The following CPNE8 variants were observed in gnomAD, a reference collection of about 807,000 sequenced individuals.
CPNE8 encodes the protein copine-8.
A neutral mutation model predicts 81.5 loss-of-function variants in CPNE8; 45 were observed. That is an observed-to-expected ratio of 0.55 (90% CI 0.44 to 0.71). The LOEUF (loss-of-function observed/expected upper bound fraction) is 0.71. Ranked by LOEUF, CPNE8 falls within the 30% of genes least tolerant of loss-of-function variation. CPNE8 has a pLI of 0.00. For synonymous variants in CPNE8, 252 were observed against 226.3 expected (o/e 1.11, Z -1.02); for missense variants, 594 against 672.1 (o/e 0.88, Z 1.28).
chr12:38,768,956 C>T (rs1941745918), intron 7 of CPNE8, among the ~76,000 whole-genome samples: 1 of 152,180 alleles, frequency 6.6e-6, no homozygotes, highest in African/African-American at 2.4e-5. Context: ...TTATTCATCA[C>T]TTCTTTATCT....
intron 6 of CPNE8, among the ~76,000 whole-genome samples, chr12:38,798,136 T>C (rs1302258231): frequency 6.6e-6 from 1 of 152,054 alleles, no homozygotes; most frequent in Non-Finnish European, 1.5e-5. Context: ...CAAGACATTA[T>C]CCAGGAGAAC....
chr12:38,889,981 T>C (rs1182139713), intron 1 of CPNE8, among the ~76,000 whole-genome samples: 1 of 152,196 alleles, frequency 6.6e-6, no homozygotes, highest in East Asian at 1.9e-4. Context: ...GCAATTTTGA[T>C]GGTGCCTCTT....
rs371030805 is a variant in CPNE8 at position 38,797,883 on chromosome 12, C to T, written c.408-21582G>A. On this transcript the variant is annotated intron_variant, in intron 6 of 19. Transcript: ENST00000331366. ...GCTGATGGAGCTGAAAGCAAAGGCTCGAGAACTACGTGAAGAATGCAGAAG... is the reference window on the plus strand; with the variant it reads ...GCTGATGGAGCTGAAAGCAAAGGCTTGAGAACTACGTGAAGAATGCAGAAG... 7.9e-5 allele frequency among the ~76,000 whole-genome samples: 12 copies of T among 152,038 alleles called. No homozygotes were observed. In the South Asian group the frequency reaches 1.0e-3, roughly 13 times the overall value.
chr12:38,686,550 C>G (rs1332832322), intron 15 of CPNE8, among the ~76,000 whole-genome samples: 1 of 152,194 alleles, frequency 6.6e-6, no homozygotes, highest in African/African-American at 2.4e-5. Context: ...AAGTTATACC[C>G]TCTGTATAGT....
intron 14 of CPNE8, among the ~76,000 whole-genome samples, chr12:38,701,447 T>A (rs1939943155): frequency 6.6e-6 from 1 of 152,144 alleles, no homozygotes; most frequent in East Asian, 1.9e-4. Flanking sequence ...TCTAGTATTT[T>A]AAAGCAGTTG....
chr12:38,695,851 G>A (rs114086868), intron 14 of CPNE8, among the ~76,000 whole-genome samples: 1,616 of 152,104 alleles, frequency 0.011, 32 homozygotes, highest in African/African-American at 0.036. Context: ...AGATGTGGGA[G>A]ATCACTTGAG....
At chr12:38,790,083 C>A (rs149993263) in intron 6 of CPNE8, among the ~76,000 whole-genome samples, 85 of 151,824 alleles carry the variant, frequency 5.6e-4, no homozygotes, top group African/African-American at 1.9e-3. Flanking sequence ...ATCCAACAAT[C>A]CTACTACTAG....
chr12:38,703,075 G>T (rs1251951215), intron 13 of CPNE8, among the ~76,000 whole-genome samples, 154 bp from the exon 14 acceptor site: 2 of 151,978 alleles, frequency 1.3e-5, no homozygotes, highest in Admixed American at 6.6e-5. Context: ...CATCAGATAG[G>T]CAGTTTTACA....
chr12:38,751,506 G>A (rs1030254361), intron 10 of CPNE8, among the ~76,000 whole-genome samples: 2 of 152,082 alleles, frequency 1.3e-5, no homozygotes, highest in African/African-American at 4.8e-5. Context: ...AAAGCTTGAT[G>A]TATTTAAATC....
chr12:38,742,858 T>C (rs2136800270), intron 10 of CPNE8, among the ~76,000 whole-genome samples: 1 of 152,028 alleles, frequency 6.6e-6, no homozygotes, highest in African/African-American at 2.4e-5. Context: ...GTAATCATAG[T>C]ATAATACAAG....
At chr12:38,818,379 T>C (rs1242725524) in intron 6 of CPNE8, among the ~76,000 whole-genome samples, 1 of 152,154 alleles carries the variant, frequency 6.6e-6, no homozygotes, top group African/African-American at 2.4e-5. Context: ...AATGAGAACA[T>C]GTAGTGTTCG....
intron 16 of CPNE8, among the ~76,000 whole-genome samples, chr12:38,683,891 A>G (rs1939468466): frequency 6.6e-6 from 1 of 152,132 alleles, no homozygotes; most frequent in African/African-American, 2.4e-5. Flanking sequence ...AAAAATCGCA[A>G]TAGAACACTG....
In CPNE8 at chr12:38,704,826, G is replaced by GTATATATATGTGTGTATATGTATATA. The variant is rs58878926; in HGVS notation, c.915-1906_915-1905insTATATACATATACACACATATATATA. Among the ~76,000 whole-genome samples the GTATATATATGTGTGTATATGTATATA allele has an allele frequency of 1.0e-4, 5 of 50,198 alleles. 1 individual carries two copies. Among genetic ancestry groups the GTATATATATGTGTGTATATGTATATA allele is most frequent in the Non-Finnish European group, 2.2e-4 (4 of 18,326 alleles). The allele number at this position is 50,198 out of a possible 152,430, so 32.9% of individuals were successfully genotyped here. ...GGACCATCTGTGTGTGTATGTATGT[G>GTATATATATGTGTGTATATGTATATA]TATATATATATATATATATATATAT... On this transcript the variant is annotated intron_variant, in intron 13 of 19. Coordinates refer to ENST00000331366, the MANE Select transcript of CPNE8 (RefSeq NM_153634.3).
At chr12:38,706,459 T>C (rs181013468) in intron 13 of CPNE8, among the ~76,000 whole-genome samples, 1,966 of 152,256 alleles carry the variant, frequency 0.013, 29 homozygotes, top group South Asian at 0.041. Context: ...ATATAGACAG[T>C]AAATATTCTT....
intron 3 of CPNE8, among the ~76,000 whole-genome samples, chr12:38,858,101 A>C (rs145754983): frequency 6.6e-6 from 1 of 152,230 alleles, no homozygotes; most frequent in Non-Finnish European, 1.5e-5. Context: ...AGCCATCTTT[A>C]TATAATGTAA....
intron 13 of CPNE8, among the ~76,000 whole-genome samples, 165 bp from the exon 14 acceptor site, chr12:38,703,086 T>C (rs1003031103): frequency 2.0e-5 from 3 of 152,154 alleles, no homozygotes; most frequent in African/African-American, 4.8e-5. Context: ...CAGTTTTACA[T>C]GGTAAGAACT....
At chr12:38,799,564 T>C (rs1267544430) in intron 6 of CPNE8, among the ~76,000 whole-genome samples, 1 of 151,948 alleles carries the variant, frequency 6.6e-6, no homozygotes, top group African/African-American at 2.4e-5. Context: ...GAGGGAAATT[T>C]ATAGCACTAA....
intron 10 of CPNE8, 131 bp from the exon 11 acceptor site, chr12:38,730,489 T>C (rs1940806435): frequency 4.2e-6 from 2 of 478,054 alleles, no homozygotes; most frequent in African/African-American, 2.0e-5. Flanking sequence ...ATTAATAATT[T>C]ACAAAATATT....
At chr12:38,657,698 T>C (rs1192324138) in intron 19 of CPNE8, among the ~76,000 whole-genome samples, 1 of 152,122 alleles carries the variant, frequency 6.6e-6, no homozygotes, top group Non-Finnish European at 1.5e-5. Flanking sequence ...CAGACAGCAA[T>C]ATTTTCAGTT....
Sources: allele counts gnomAD v4.1 joint callset (sites outside exome capture counted in the v4.1 genomes callset), GRCh38; gene constraint gnomAD v4.1.1; transcripts MANE v1.5; gene names NCBI Gene and HGNC (gene_info 2026-07-23, HGNC 2026-07-21).